The following DMD variants were observed in gnomAD, a reference collection of about 807,000 sequenced individuals.
DMD encodes the protein dystrophin, also known as mutant dystrophin.
A neutral mutation model predicts 330.1 loss-of-function variants in DMD; 63 were observed. That is an observed-to-expected ratio of 0.19 (90% confidence interval 0.16 to 0.24). DMD has a LOEUF of 0.24. Among genes scored for constraint, DMD ranks in the 10% least tolerant of loss-of-function variants. The pLI is 1.00. For missense variants in DMD, 3,344 were observed against 2,684.1 expected (o/e 1.25, Z -5.43); for synonymous variants, 1,223 against 959.8 (o/e 1.27, Z -5.07).
At chrX:32,974,443 T>A (rs1469682174) in intron 2 of DMD, among the ~76,000 whole-genome samples, 1 of 111,570 alleles carries the variant, frequency 9.0e-6, no homozygotes, top group Non-Finnish European at 1.9e-5. Context: ...AATTTTACAG[T>A]ATGTGAATAA....
At chrX:32,097,507 G>A in intron 44 of DMD, among the ~76,000 whole-genome samples, 1 of 111,231 alleles carries the variant, frequency 9.0e-6, no homozygotes, top group Non-Finnish European at 1.9e-5. Context: ...TCACTGATGG[G>A]CATTTGGGTT....
In DMD at chrX:31,232,927, T is replaced by C. The variant is rs1168507040; in HGVS notation, c.9287-9806A>G. ...TAGTCTGCTGTTTTCTGTTAACTCATTTTAAAAAGCTCTTCTACCTAAGCA... is the reference window on the plus strand; with the variant it reads ...TAGTCTGCTGTTTTCTGTTAACTCACTTTAAAAAGCTCTTCTACCTAAGCA... On this transcript the variant is annotated intron_variant, in intron 63 of 78. Transcript: ENST00000357033. Among the ~76,000 whole-genome samples, 4 of 112,490 alleles carry C rather than the reference T, an allele frequency of 3.6e-5. No homozygotes were observed. The Admixed American group carries it at 3.8e-4, about 11-fold the overall frequency.
At chrX:31,680,237 C>T (rs1834961934) in intron 52 of DMD, among the ~76,000 whole-genome samples, 2 of 111,912 alleles carry the variant, frequency 1.8e-5, no homozygotes, top group African/African-American at 6.5e-5. Context: ...GGCTGCCTTG[C>T]CTCACCTGTC....
intron 1 of DMD, among the ~76,000 whole-genome samples, chrX:33,315,263 C>G (rs1019667006): frequency 8.9e-6 from 1 of 112,190 alleles, no homozygotes; most frequent in Non-Finnish European, 1.9e-5. Flanking sequence ...ATTAACTTAA[C>G]GGGACTGGGT....
chrX:32,710,234 G>A (rs2065066945), intron 7 of DMD, among the ~76,000 whole-genome samples: 1 of 109,652 alleles, frequency 9.1e-6, no homozygotes, highest in Non-Finnish European at 1.9e-5. Context: ...CAACCAATAA[G>A]TGACAGTCTG....
chrX:32,734,750 T>C (rs770843271), intron 7 of DMD, among the ~76,000 whole-genome samples: 2 of 109,799 alleles, frequency 1.8e-5, no homozygotes, highest in Admixed American at 9.6e-5. Flanking sequence ...AATTAGGTAT[T>C]GACGGGACAT....
intron 43 of DMD, among the ~76,000 whole-genome samples, chrX:32,259,825 A>G (rs1019901430): frequency 1.8e-5 from 2 of 111,677 alleles, no homozygotes; most frequent in African/African-American, 3.3e-5. Context: ...TTTGTCTAAT[A>G]AGGAATAGCC....
chrX:32,116,979 C>T (rs1294531983), intron 44 of DMD, among the ~76,000 whole-genome samples: 2 of 111,629 alleles, frequency 1.8e-5, no homozygotes, highest in Admixed American at 9.5e-5. Context: ...ATCTATCTGT[C>T]GTCAGTTTAA....
rs1013180803 is a variant in DMD at position 32,405,833 on chromosome X, T to A, written c.4233+5919A>T. 2.7e-5 allele frequency among the ~76,000 whole-genome samples: 3 copies of A among 111,806 alleles called. No homozygotes were observed. In the Admixed American group the frequency reaches 2.9e-4, roughly 11 times the overall value. On this transcript the variant is annotated intron_variant, in intron 30 of 78. Transcript: ENST00000357033. ...TGGGGATGGCATTGAATCTATAAAT[T>A]ACCTTGGGCAGTATGGCCATTTTCA...
intron 4 of DMD, among the ~76,000 whole-genome samples, chrX:32,837,335 G>A (rs918125417): frequency 9.0e-6 from 1 of 111,597 alleles, no homozygotes; most frequent in African/African-American, 3.3e-5. Flanking sequence ...AGCGGCACTG[G>A]CAAAACACTG....
intron 55 of DMD, among the ~76,000 whole-genome samples, chrX:31,557,925 C>A (rs781061791): frequency 9.0e-6 from 1 of 111,441 alleles, no homozygotes; most frequent in East Asian, 2.8e-4. Context: ...TATATATCCC[C>A]TCTAGCTGGC....
chrX:32,762,976 T>G (rs1420931562), intron 7 of DMD, among the ~76,000 whole-genome samples: 1 of 111,982 alleles, frequency 8.9e-6, no homozygotes, highest in Non-Finnish European at 1.9e-5. Context: ...AAGCAGCTTT[T>G]ATTTTTCAAT....
intron 17 of DMD, among the ~76,000 whole-genome samples, chrX:32,537,820 G>A (rs775882717): frequency 8.9e-6 from 1 of 112,147 alleles, no homozygotes; most frequent in Non-Finnish European, 1.9e-5. Flanking sequence ...AACAGCTCTG[G>A]GAATGTGATC....
At chrX:32,223,838 C>T (rs2097139255) in intron 43 of DMD, among the ~76,000 whole-genome samples, 1 of 111,248 alleles carries the variant, frequency 9.0e-6, no homozygotes, top group African/African-American at 3.3e-5. Context: ...CTTAGAAATT[C>T]TTTATATATT....
At chrX:32,649,838 T>A (rs759046496) in intron 9 of DMD, among the ~76,000 whole-genome samples, 5 of 111,076 alleles carry the variant, frequency 4.5e-5, no homozygotes, top group Middle Eastern at 4.7e-3. Context: ...TTAACCTCTC[T>A]GCATCTCAGT....
chrX:32,970,279 ATAACT>A (rs1210291818), intron 2 of DMD, among the ~76,000 whole-genome samples: 2 of 94,664 alleles, frequency 2.1e-5, no homozygotes, highest in Admixed American at 2.1e-4. Flanking sequence ...ATAGTCAATA[ATAACT>A]TAATTGTAAA....
chrX:32,325,924 A>G (rs145434235), intron 41 of DMD, among the ~76,000 whole-genome samples: 122 of 110,831 alleles, frequency 1.1e-3, no homozygotes, highest in African/African-American at 3.9e-3. Flanking sequence ...AACTAATTAA[A>G]TAAGTATCAC....
chrX:33,146,484 CATT>C (rs962272173), intron 1 of DMD, among the ~76,000 whole-genome samples: 1 of 111,690 alleles, frequency 9.0e-6, no homozygotes, highest in African/African-American at 3.3e-5. Context: ...CTCATATAAT[CATT>C]ATAACAGAGA....
intron 38 of DMD, 75 bp from the exon 39 acceptor site, chrX:32,346,155 C>G (rs956079778): frequency 9.3e-7 from 1 of 1,080,294 alleles, no homozygotes. Flanking sequence ...GATAATAAGA[C>G]ATGTTATTTA....
Sources: gnomAD v4.1 joint callset for allele counts (sites outside exome capture counted in the v4.1 genomes callset) on GRCh38, gnomAD v4.1.1 for gene constraint, MANE v1.5 for transcripts, NCBI Gene and HGNC (gene_info 2026-07-23, HGNC 2026-07-21) for gene names.